Variants in CDH4 observed in about 807,000 individuals in gnomAD.
CDH4 encodes cadherin-4.
CDH4 carries 33 observed loss-of-function variants against 86.0 expected under a neutral mutation model. The observed-to-expected ratio is 0.38, with a 90% CI of 0.29 to 0.51. CDH4 has a LOEUF of 0.51. Ranked by LOEUF, CDH4 falls within the 20% of genes least tolerant of loss-of-function variation. CDH4 has a pLI of 0.86. For synonymous variants in CDH4, 555 were observed against 549.4 expected, an observed-to-expected ratio of 1.01 and a Z score of -0.14; for missense variants, 1,114 against 1,307.4, an observed-to-expected ratio of 0.85 and a Z score of 2.28.
chr20:61,374,826 T>A (rs2084857809), intron 2 of CDH4, among the ~76,000 whole-genome samples: 1 of 152,230 alleles, frequency 6.6e-6, no homozygotes. Context: ...TCAAGTCTGA[T>A]AAGAAACAGT....
intron 2 of CDH4, among the ~76,000 whole-genome samples, chr20:61,356,114 G>A (rs759576756): frequency 2.0e-5 from 3 of 152,194 alleles, no homozygotes; most frequent in Admixed American, 6.5e-5. Context: ...GAGCAGCAGC[G>A]TTTCTGGAGC....
At position 61,902,091 on chromosome 20, in the gene CDH4, C is replaced by A. The variant is rs114488338; in HGVS notation, c.1188+7044C>A. Among the ~76,000 whole-genome samples the A allele has an allele frequency of 7.5e-3, 1,136 of 152,328 alleles. 11 individuals are homozygous for A. The highest frequency in any genetic ancestry group is 0.024 in the African/African-American group (1,016 of 41,572). On this transcript the variant is annotated intron_variant, in intron 8 of 15. Coordinates refer to ENST00000614565, the MANE Select transcript of CDH4 (RefSeq NM_001794.5). This position sits in a 1 kb window ranked among gnomAD's most constrained non-coding sequence, Gnocchi z 4.6. Reference sequence around the variant, plus strand: ...GAGGAGCAGCCTGGAGCCAGGGGCACCTTCTGGCTTCCAGCAACTGATGGA... The same window carrying A: ...GAGGAGCAGCCTGGAGCCAGGGGCAACTTCTGGCTTCCAGCAACTGATGGA...
intron 2 of CDH4, among the ~76,000 whole-genome samples, chr20:61,325,940 C>T (rs1256500205): frequency 1.3e-5 from 2 of 152,170 alleles, no homozygotes; most frequent in Non-Finnish European, 2.9e-5. Flanking sequence ...CAGTGCCGTG[C>T]CATTCCCAGC....
intron 4 of CDH4, among the ~76,000 whole-genome samples, chr20:61,828,687 C>G (rs1981438658): frequency 6.6e-6 from 1 of 152,236 alleles, no homozygotes; most frequent in East Asian, 1.9e-4. Context: ...TGGCTCAGCT[C>G]CCAGTCTCTG....
chr20:61,710,957 T>C (rs979966493), intron 2 of CDH4, among the ~76,000 whole-genome samples: 1 of 152,174 alleles, frequency 6.6e-6, no homozygotes, highest in African/African-American at 2.4e-5. Flanking sequence ...ATCATAGGCA[T>C]ACGACCTTAC....
chr20:61,488,661 G>A (rs1159023591), intron 2 of CDH4, among the ~76,000 whole-genome samples: 1 of 152,182 alleles, frequency 6.6e-6, no homozygotes, highest in Non-Finnish European at 1.5e-5. Flanking sequence ...AAAAAAATGG[G>A]GCTCTGCAGC....
chr20:61,798,022 G>A (rs946889605), intron 4 of CDH4, among the ~76,000 whole-genome samples: 22 of 152,172 alleles, frequency 1.4e-4, no homozygotes, highest in African/African-American at 4.1e-4. Context: ...GCACCACTCC[G>A]GGGTCAGCTC....
At chr20:61,291,214 T>C (rs2084318862) in intron 2 of CDH4, among the ~76,000 whole-genome samples, 1 of 152,212 alleles carries the variant, frequency 6.6e-6, no homozygotes, top group Non-Finnish European at 1.5e-5. Context: ...AATGGTGGCC[T>C]CCAAAAGATA....
chr20:61,889,321 GAT>G (rs1984682764), intron 7 of CDH4, among the ~76,000 whole-genome samples: 1 of 151,100 alleles, frequency 6.6e-6, no homozygotes, highest in Non-Finnish European at 1.5e-5. Flanking sequence ...TGGATGGATG[GAT>G]GGATGGATGG....
At chr20:61,503,285 C>T (rs949915967) in intron 2 of CDH4, among the ~76,000 whole-genome samples, 1 of 152,166 alleles carries the variant, frequency 6.6e-6, no homozygotes, top group Non-Finnish European at 1.5e-5. Context: ...GGTGGAGCAA[C>T]AGGTGAGTCA....
In CDH4 at chr20:61,773,449, T is replaced by TGGGCAG. The variant is rs542312303; in HGVS notation, c.576+272_576+277dup. Among the ~76,000 whole-genome samples the TGGGCAG allele has an allele frequency of 2.6e-4, 39 of 152,272 alleles. No individual in the cohort carries two copies. In the South Asian group the frequency reaches 5.8e-3, roughly 23 times the overall value. ...GTGGCTGCTGTGTGTGTGGAAGCAGTGGGCAGGGGCGTGGGTCGTGGCCTT... is the reference window on the plus strand; with the variant it reads ...GTGGCTGCTGTGTGTGTGGAAGCAGTGGGCAGGGGCAGGGGCGTGGGTCGTGGCCTT... On this transcript the variant is annotated intron_variant, in intron 4 of 15. Transcript: ENST00000614565.
At chr20:61,255,646 T>C (rs185337915) in intron 2 of CDH4, among the ~76,000 whole-genome samples, 6 of 152,350 alleles carry the variant, frequency 3.9e-5, no homozygotes, top group East Asian at 1.9e-4. Context: ...AGCCTTTGAA[T>C]TGATTTCAAA....
chr20:61,375,720 T>G (rs1274499606), intron 2 of CDH4, among the ~76,000 whole-genome samples: 11 of 124,212 alleles, frequency 8.9e-5, no homozygotes, highest in African/African-American at 3.4e-4. Flanking sequence ...TGTAGTTTGT[T>G]GATGGTAGTG....
At chr20:61,725,039 G>A (rs2088093726) in intron 2 of CDH4, among the ~76,000 whole-genome samples, 1 of 152,192 alleles carries the variant, frequency 6.6e-6, no homozygotes, top group African/African-American at 2.4e-5. Context: ...TTGGATGCAG[G>A]AGTTCAAGAT....
chr20:61,747,250 C>T (rs1427671583), intron 3 of CDH4, among the ~76,000 whole-genome samples: 1 of 152,120 alleles, frequency 6.6e-6, no homozygotes, highest in Non-Finnish European at 1.5e-5. Context: ...GACCATCTGG[C>T]TAACACGGTG....
intron 2 of CDH4, among the ~76,000 whole-genome samples, chr20:61,588,105 A>T (rs939666326): frequency 1.3e-5 from 2 of 152,228 alleles, no homozygotes; most frequent in African/African-American, 4.8e-5. Flanking sequence ...CCGAGAAGCC[A>T]GCGTGCAGAG....
Position 61,744,888 on chromosome 20 carries a change from A to G in CDH4, c.396+1099A>G, listed in dbSNP as rs147884959. 3.1e-3 allele frequency among the ~76,000 whole-genome samples: 467 copies of G among 152,318 alleles called. 4 individuals carry two copies. Among genetic ancestry groups the G allele is most frequent in the African/African-American group, 0.011 (451 of 41,574 alleles). On this transcript the variant is annotated intron_variant, in intron 3 of 15. Transcript: ENST00000614565. ...CCTTGAGTGTCCTGGCGTTGGTTGC[A>G]GCCACTGCGCCAGCCTTCAGGTGTG...
chr20:61,307,484 A>G (rs1003077805), intron 2 of CDH4, among the ~76,000 whole-genome samples: 6 of 152,248 alleles, frequency 3.9e-5, no homozygotes, highest in African/African-American at 1.2e-4. Flanking sequence ...TATCATTCGC[A>G]TACTAGGTCT....
chr20:61,413,089 T>A (rs2085128014), intron 2 of CDH4, among the ~76,000 whole-genome samples: 1 of 152,056 alleles, frequency 6.6e-6, no homozygotes, highest in Non-Finnish European at 1.5e-5. Flanking sequence ...CCCTTCCCGG[T>A]CTTTGCATGG....
Sources: allele counts gnomAD v4.1 joint callset (sites outside exome capture counted in the v4.1 genomes callset), GRCh38; gene constraint gnomAD v4.1.1; non-coding constraint Gnocchi (gnomAD v3.1); transcripts MANE v1.5; gene names NCBI Gene and HGNC (gene_info 2026-07-23, HGNC 2026-07-21).